The following CMIP variants were observed in gnomAD, a reference collection of about 807,000 sequenced individuals.
CMIP encodes the protein C-Maf-inducing protein.
A neutral mutation model predicts 97.3 loss-of-function variants in CMIP; 13 were observed. The ratio of observed to expected loss-of-function variants is 0.13; its 90% CI spans 0.09 to 0.21. CMIP has a LOEUF of 0.21. Ranked by LOEUF, CMIP falls within the 10% of genes least tolerant of loss-of-function variation. The pLI, the probability that CMIP is intolerant of heterozygous loss-of-function variation, is 1.00. For missense variants in CMIP, 847 were observed against 1,024.9 expected, an observed-to-expected ratio of 0.83 and a Z score of 2.37; for synonymous variants, 538 against 436.3, an observed-to-expected ratio of 1.23 and a Z score of -2.91.
At chr16:81,706,234 G>C (rs1306015079) in intron 19 of CMIP, among the ~76,000 whole-genome samples, 1 of 152,244 alleles carries the variant, frequency 6.6e-6, no homozygotes, top group Non-Finnish European at 1.5e-5. Flanking sequence ...TAGACGGGAA[G>C]ACCCGTGGCT....
At chr16:81,631,742 T>C (rs1273659601) in intron 3 of CMIP, 5 of 152,412 alleles carry the variant, frequency 3.3e-5, no homozygotes, top group African/African-American at 1.2e-4. Context: ...CTTTCCAGTT[T>C]GGGGCTGTTA....
intron 1 of CMIP, among the ~76,000 whole-genome samples, chr16:81,483,538 C>G (rs377245865): frequency 6.6e-6 from 1 of 152,172 alleles, no homozygotes; most frequent in South Asian, 2.1e-4. Flanking sequence ...GAAGTGCCTC[C>G]TGGCTTGCCT....
Position 81,709,971 on chromosome 16 carries a change from C to T in CMIP, c.*172C>T, listed in dbSNP as rs1414717122. 8.1e-6 allele frequency: 5 copies of T among 620,080 alleles called. No individual in the cohort carries two copies. Among genetic ancestry groups the T allele is most frequent in the Non-Finnish European group, 1.4e-5 (5 of 350,794 alleles). The allele number at this position is 620,080 out of a possible 1,614,324, so 38.4% of individuals were successfully genotyped here. ...GGGGTGGGGAGGGGGCCCACAAGCA[C>T]GCCCAGCCCCCGCCGAATTCTTTTA... On this transcript the variant is annotated 3_prime_UTR_variant, in exon 21 of 21. Transcript: ENST00000537098.
At chr16:81,536,288 G>T (rs1306493078) in intron 1 of CMIP, among the ~76,000 whole-genome samples, 1 of 152,166 alleles carries the variant, frequency 6.6e-6, no homozygotes, top group African/African-American at 2.4e-5. Context: ...TTGCCTTGCT[G>T]TGGCAATTGG....
chr16:81,608,710 G>T (rs1480604961), intron 2 of CMIP, among the ~76,000 whole-genome samples: 3 of 151,752 alleles, frequency 2.0e-5, no homozygotes, highest in Non-Finnish European at 2.9e-5. Flanking sequence ...CACGACCACG[G>T]TCACACATAC....
intron 3 of CMIP, among the ~76,000 whole-genome samples, chr16:81,625,832 G>A (rs2092053406): frequency 6.6e-6 from 1 of 152,158 alleles, no homozygotes; most frequent in Non-Finnish European, 1.5e-5. Flanking sequence ...GGTTCCTCAG[G>A]CCGAGGCACA....
At chr16:81,473,116 C>T (rs1053637644) in intron 1 of CMIP, among the ~76,000 whole-genome samples, 1 of 152,252 alleles carries the variant, frequency 6.6e-6, no homozygotes, top group Non-Finnish European at 1.5e-5. Context: ...CGGCCCCTGC[C>T]TCCTGCCCGG....
intron 1 of CMIP, among the ~76,000 whole-genome samples, chr16:81,596,657 C>T (rs868179276): frequency 1.3e-5 from 2 of 152,306 alleles, no homozygotes; most frequent in Middle Eastern, 3.4e-3. Context: ...CAGCCCTCCC[C>T]AGAAGCTCCT....
At chr16:81,700,849 T>C (rs1022276265) in intron 15 of CMIP, among the ~76,000 whole-genome samples, 2 of 151,792 alleles carry the variant, frequency 1.3e-5, no homozygotes, top group African/African-American at 4.8e-5. Flanking sequence ...TACCTAGAGG[T>C]GCTGGGAAGG....
chr16:81,596,452 A>G (rs527268358), intron 1 of CMIP, among the ~76,000 whole-genome samples: 2 of 150,246 alleles, frequency 1.3e-5, no homozygotes, highest in African/African-American at 4.9e-5. Context: ...GGTTGCAGTG[A>G]GCCAGGATCG....
intron 1 of CMIP, among the ~76,000 whole-genome samples, chr16:81,590,606 A>T (rs2091451977): frequency 6.6e-6 from 1 of 152,200 alleles, no homozygotes; most frequent in Admixed American, 6.5e-5. Context: ...ATTTCTGCAG[A>T]ACTTGTCTGA....
chr16:81,496,839 G>A (rs2089500176), intron 1 of CMIP, among the ~76,000 whole-genome samples: 1 of 152,254 alleles, frequency 6.6e-6, no homozygotes, highest in South Asian at 2.1e-4. Context: ...AACTGAATGG[G>A]AGCCAAGGGG....
chr16:81,457,210 TC>T (rs35021803), intron 1 of CMIP, among the ~76,000 whole-genome samples: 12 of 151,786 alleles, frequency 7.9e-5, no homozygotes, highest in Non-Finnish European at 1.8e-4. Context: ...AGGGCTACCT[TC>T]CCCAGTTGGA....
chr16:81,706,989 A>T, intron 19 of CMIP, 25 bp from the exon 20 acceptor site: 1 of 1,610,678 alleles, frequency 6.2e-7, no homozygotes, highest in Non-Finnish European at 8.5e-7. Context: ...CGCTCTCCTA[A>T]CAACTGTATC....
At chr16:81,705,740 G>A in intron 19 of CMIP, 136 bp downstream of exon 19, 2 of 608,306 alleles carry the variant, frequency 3.3e-6, no homozygotes, top group East Asian at 5.6e-5. Flanking sequence ...CGTGTTCACT[G>A]CACACCTGCT....
intron 2 of CMIP, chr16:81,620,388 C>G (rs2091977180): frequency 6.5e-6 from 1 of 153,480 alleles, no homozygotes; most frequent in Non-Finnish European, 1.5e-5. Context: ...CGATTTTTCC[C>G]TCTGTGAAAT....
At chr16:81,653,827 G>C (rs572597923) in intron 4 of CMIP, among the ~76,000 whole-genome samples, 3 of 152,318 alleles carry the variant, frequency 2.0e-5, no homozygotes, top group East Asian at 3.9e-4. Context: ...TGGCCAGGCT[G>C]GTCTTGAACT....
chr16:81,488,266 T>C (rs1195181133), intron 1 of CMIP, among the ~76,000 whole-genome samples: 1 of 152,090 alleles, frequency 6.6e-6, no homozygotes, highest in Admixed American at 6.5e-5. Flanking sequence ...CCAGTCTGCA[T>C]GGGTTTTAAA....
chr16:81,532,732 G>A (rs1258226719), intron 1 of CMIP, among the ~76,000 whole-genome samples: 2 of 152,198 alleles, frequency 1.3e-5, no homozygotes, highest in African/African-American at 4.8e-5. Flanking sequence ...GTTGGGATGT[G>A]GAGGGGTGTG....
Sources: gnomAD v4.1 joint callset for allele counts (sites outside exome capture counted in the v4.1 genomes callset) on GRCh38, gnomAD v4.1.1 for gene constraint, MANE v1.5 for transcripts, NCBI Gene and HGNC (gene_info 2026-07-23, HGNC 2026-07-21) for gene names.